Variants in C19orf81 observed in about 807,000 individuals in gnomAD.
C19orf81 encodes putative uncharacterized protein C19orf81.
A neutral mutation model predicts 22.1 loss-of-function variants in C19orf81; 19 were observed. The ratio of observed to expected loss-of-function variants is 0.86; its 90% CI spans 0.60 to 1.26. The LOEUF is 1.26. Ranked by LOEUF, C19orf81 falls within the 50% of genes most tolerant of loss-of-function variation. The pLI, the probability that C19orf81 is intolerant of heterozygous loss-of-function variation, is 0.00. For synonymous variants in C19orf81, 108 were observed against 113.1 expected, an observed-to-expected ratio of 0.95 and a Z score of 0.29; for missense variants, 287 against 280.7, an observed-to-expected ratio of 1.02 and a Z score of -0.16.
At position 50,651,965 on chromosome 19, in the gene C19orf81, T is replaced by C. The variant is rs916955767; in HGVS notation, c.67+2454T>C. 3.9e-5 allele frequency among the ~76,000 whole-genome samples: 6 copies of C among 152,332 alleles called. No homozygotes were observed. In the South Asian group the frequency reaches 6.2e-4, roughly 16 times the overall value. On this transcript the variant is annotated intron_variant, in intron 1 of 4. Coordinates refer to ENST00000425202, the MANE Select transcript of C19orf81 (RefSeq NM_001195076.2). ...GTTACTTTTTGATTCATTTAACGCTTGTACAAGGCTATTTTTTAAAATTAA... is the reference window on the plus strand; with the variant it reads ...GTTACTTTTTGATTCATTTAACGCTCGTACAAGGCTATTTTTTAAAATTAA...
At chr19:50,658,846 G>A in intron 4 of C19orf81, 101 bp from the exon 5 acceptor site, 4 of 1,059,704 alleles carry the variant, frequency 3.8e-6, no homozygotes, top group Non-Finnish European at 5.1e-6. Context: ...CTGGACCAGG[G>A]CCTGTAAACG....
Position 50,658,126 on chromosome 19 carries a change from C to G in C19orf81, c.399C>G (p.Asn133Lys), listed in dbSNP as rs1177788313. Residue 133 changes from asparagine (N) to lysine (K), a missense_variant and splice_region_variant, in exon 4 of 5, where the codon AAC becomes AAG. Coordinates refer to ENST00000425202, the MANE Select transcript of C19orf81 (RefSeq NM_001195076.2). ...NVICGTAGRRNRWLIAVTDFQ... is the reference protein window; with the variant it reads ...NVICGTAGRRKRWLIAVTDFQ... ...TCTGTGGGACTGCTGGGCGCCGGAA[C>G]CGGTGAGTAAGCGGCGGGGGCGGGG... 6.5e-6 allele frequency: 10 copies of G among 1,533,340 alleles called. No individual in the cohort carries two copies. The highest frequency in any genetic ancestry group is 8.7e-6 in the Non-Finnish European group (10 of 1,145,806). The allele number at this position is 1,533,340 out of a possible 1,614,324, so 95.0% of individuals were successfully genotyped here.
intron 1 of C19orf81, chr19:50,649,831 C>G: frequency 2.0e-6 from 1 of 504,280 alleles, no homozygotes; most frequent in Non-Finnish European, 3.9e-6. Context: ...ACCCTGAGCT[C>G]AGCATCTTCC....
chr19:50,657,211 C>T (rs1450057391), intron 3 of C19orf81, among the ~76,000 whole-genome samples: 1 of 152,128 alleles, frequency 6.6e-6, no homozygotes, highest in Non-Finnish European at 1.5e-5. Flanking sequence ...TCAGCTAATC[C>T]GTGTAACTCT....
At position 50,658,061 on chromosome 19, in the gene C19orf81, G is replaced by C. The variant is rs1450688791; in HGVS notation, c.334G>C (p.Gly112Arg). The change falls in exon 4 of 5, where the codon GGG (glycine) becomes CGG (arginine). Residue 112 changes from glycine (G) to arginine (R), a missense_variant. By Grantham distance (125) the Gly-to-Arg change is moderately radical (BLOSUM62 -2). Transcript: ENST00000425202. Reference sequence around the variant, plus strand: ...CCAGTTACCAGGGGCCATGGAGAGCGGGCGCGTGAGCAGCATCCGCTTTGA... The same window carrying C: ...CCAGTTACCAGGGGCCATGGAGAGCCGGCGCGTGAGCAGCATCCGCTTTGA... ...EAQLPGAMES[G>R]RVSSIRFENM... The C allele has an allele frequency of 1.0e-5, 16 of 1,535,946 alleles. No homozygotes were observed. The highest frequency in any genetic ancestry group is 1.4e-5 in the Non-Finnish European group (16 of 1,146,884).
At chr19:50,652,065 C>A (rs113834059) in intron 1 of C19orf81, among the ~76,000 whole-genome samples, 1,712 of 152,236 alleles carry the variant, frequency 0.011, 10 homozygotes, top group Non-Finnish European at 0.017. Flanking sequence ...CTCACTGCAG[C>A]CTCAAAATCC....
At chr19:50,651,902 A>G (rs2123037882) in intron 1 of C19orf81, among the ~76,000 whole-genome samples, 1 of 152,314 alleles carries the variant, frequency 6.6e-6, no homozygotes, top group South Asian at 2.1e-4. Flanking sequence ...AAACTATTGT[A>G]TTCACATTTT....
chr19:50,658,402 G>T, intron 4 of C19orf81: 1 of 423,730 alleles, frequency 2.4e-6, no homozygotes, highest in South Asian at 3.2e-5. Flanking sequence ...GGGGCCAGGA[G>T]GGACTAGATA....
chr19:50,658,655 C>T, intron 4 of C19orf81: 1 of 350,228 alleles, frequency 2.9e-6, no homozygotes, highest in Admixed American at 4.5e-5. Flanking sequence ...GCCTGGAGTG[C>T]CTAGGGTAGA....
In C19orf81 at chr19:50,658,745, C is replaced by G. The variant is rs549919545; in HGVS notation, c.402-202C>G. 4.1e-5 allele frequency: 18 copies of G among 439,924 alleles called. No individual in the cohort carries two copies. In the East Asian group the frequency reaches 4.9e-4, roughly 12 times the overall value. 27.3% of individuals were successfully genotyped at this position (439,924 alleles called of 1,614,324 possible). A position where few individuals can be genotyped will look rare whatever the true frequency, so the allele number is the denominator to read the frequency against. On this transcript the variant is annotated intron_variant, in intron 4 of 4. Coordinates refer to ENST00000425202, the MANE Select transcript of C19orf81 (RefSeq NM_001195076.2). ...GCCTCGACAGACAGTGATTAGGACG[C>G]AGAACCAGGCTAAGAGAGCGTAAGG...
chr19:50,658,190 G>T, intron 4 of C19orf81, 62 bp downstream of exon 4: 14 of 1,471,212 alleles, frequency 9.5e-6, no homozygotes, highest in South Asian at 1.3e-5. Flanking sequence ...GGGGCGACCG[G>T]GTAAGAGCGT....
At chr19:50,656,988 GA>G (rs1985009706) in intron 3 of C19orf81, among the ~76,000 whole-genome samples, 1 of 148,224 alleles carries the variant, frequency 6.7e-6, no homozygotes, top group African/African-American at 2.6e-5. Context: ...AAGAAGGAAG[GA>G]AGGAAGGGAG....
At chr19:50,655,564 G>A (rs1357336691) in intron 1 of C19orf81, among the ~76,000 whole-genome samples, 3 of 151,986 alleles carry the variant, frequency 2.0e-5, no homozygotes, top group African/African-American at 7.3e-5. Context: ...CAGGAGAATG[G>A]CGTGAACCCG....
Position 50,659,088 on chromosome 19 carries a change from G to T in C19orf81, c.543G>T (p.Leu181=). ...GDYRLHLRRS[L]VRRRMLEALG... is the part of the protein sequence containing the mutation. The stretch of plus-strand genomic sequence containing the variant: ...ACCGCCTGCACCTGCGCCGCTCCCT[G>T]GTCCGGCGGCGCATGCTCGAGGCCC... The change falls in exon 5 of 5, where the codon CTG becomes CTT. Residue 181 remains leucine, a synonymous_variant. Transcript: ENST00000425202. 6.6e-7 allele frequency: 1 copy of T among 1,504,144 alleles called. No homozygotes were observed. The highest frequency in any genetic ancestry group is 2.7e-5 in the East Asian group (1 of 37,734). The allele number at this position is 1,504,144 out of a possible 1,614,324, so 93.2% of individuals were successfully genotyped here.
rs57195892 is a variant in C19orf81 at position 50,656,212 on chromosome 19, C to A, written c.141-14C>A. 6.5e-7 allele frequency: 1 copy of A among 1,536,040 alleles called. No homozygotes were observed. The highest frequency in any genetic ancestry group is 2.0e-5 in the Admixed American group (1 of 51,002). ...CTGACCTCAGAGGTCCCTGCCTGTT[C>A]GCTCTCTCCCTAGAAAGCAGTACCT... On this transcript the variant is annotated splice_polypyrimidine_tract_variant and intron_variant, in intron 2 of 4. Coordinates refer to ENST00000425202, the MANE Select transcript of C19orf81 (RefSeq NM_001195076.2).
chr19:50,653,240 T>C (rs1025748648), intron 1 of C19orf81, among the ~76,000 whole-genome samples: 2 of 152,116 alleles, frequency 1.3e-5, no homozygotes, highest in Admixed American at 6.6e-5. Context: ...GATCTCACCA[T>C]GTTGGCCAGG....
At position 50,656,320 on chromosome 19, in the gene C19orf81, C is replaced by G; in HGVS notation, c.235C>G (p.Pro79Ala). Residue 79 changes from proline (P) to alanine (A), a missense_variant, in exon 3 of 5, where the codon CCC becomes GCC. Physicochemically the swap from Pro to Ala is conservative, Grantham distance 27 (BLOSUM62 -1). Transcript: ENST00000425202. ...RKFPTPPASQ[P>A]LCLCMETLPE... The stretch of plus-strand genomic sequence containing the variant: ...GTTCCCCACACCACCAGCTTCCCAG[C>G]CCCTCTGCCTCTGCATGGAGACCTT... 1 of 1,536,258 alleles carries G rather than the reference C, an allele frequency of 6.5e-7. No homozygotes were observed. Among genetic ancestry groups the G allele is most frequent in the Non-Finnish European group, 8.7e-7 (1 of 1,146,910 alleles).
intron 1 of C19orf81, among the ~76,000 whole-genome samples, chr19:50,651,195 C>T (rs947029334): frequency 5.3e-5 from 8 of 152,148 alleles, no homozygotes; most frequent in Non-Finnish European, 1.2e-4. Flanking sequence ...TCATTCATAG[C>T]CTCCAATGGC....
rs1180743152 is a variant in C19orf81 at position 50,656,135 on chromosome 19, T to C, written c.140+13T>C. ...CCATCAAATCCTCGTGAGTTGTCCCTGGCCCCCATGACCTCTATCTTCCGC... is the reference window on the plus strand; with the variant it reads ...CCATCAAATCCTCGTGAGTTGTCCCCGGCCCCCATGACCTCTATCTTCCGC... On this transcript the variant is annotated intron_variant, in intron 2 of 4. Transcript: ENST00000425202. The C allele has an allele frequency of 2.0e-6, 3 of 1,536,172 alleles. No homozygotes were observed. Among genetic ancestry groups the C allele is most frequent in the South Asian group, 2.4e-5 (2 of 84,066 alleles).
Sources: allele counts gnomAD v4.1 joint callset (sites outside exome capture counted in the v4.1 genomes callset), GRCh38; gene constraint gnomAD v4.1.1; transcripts MANE v1.5; gene names NCBI Gene and HGNC (gene_info 2026-07-23, HGNC 2026-07-21).